Variants in DYNC2H1 observed in about 807,000 individuals in gnomAD.
DYNC2H1 encodes the protein dynein cytoplasmic 2 heavy chain 1, also known as cytoplasmic dynein 2 heavy chain 1.
Under a neutral mutation model 570.0 loss-of-function variants are expected in DYNC2H1, and 410 were observed. The ratio of observed to expected loss-of-function variants is 0.72; its 90% CI spans 0.66 to 0.78. DYNC2H1 has a LOEUF of 0.78. Among genes scored for constraint, DYNC2H1 ranks in the 30% least tolerant of loss-of-function variants. DYNC2H1 has a pLI of 0.00. For synonymous variants in DYNC2H1, 1,688 were observed against 1,677.6 expected (o/e 1.01, Z -0.15); for missense variants, 4,865 against 5,046.4 (o/e 0.96, Z 1.09).
chr11:103,302,353 T>C (rs953581291), intron 75 of DYNC2H1, among the ~76,000 whole-genome samples: 2 of 152,084 alleles, frequency 1.3e-5, no homozygotes, highest in African/African-American at 4.8e-5. Flanking sequence ...CAGTAGGTGA[T>C]GAATAAATAG....
chr11:103,207,879 GAATAT>G (rs1863001492), intron 52 of DYNC2H1, among the ~76,000 whole-genome samples: 1 of 152,104 alleles, frequency 6.6e-6, no homozygotes, highest in African/African-American at 2.4e-5. Context: ...ATATTTATAA[GAATAT>G]AATTATTTTG....
chr11:103,412,464 G>A (rs1431088487), intron 84 of DYNC2H1, among the ~76,000 whole-genome samples: 2 of 152,194 alleles, frequency 1.3e-5, no homozygotes, highest in Admixed American at 1.3e-4. Flanking sequence ...AATTACAAAG[G>A]TGCAAATGCC....
At position 103,207,246 on chromosome 11, in the gene DYNC2H1, A is replaced by ATTTTT. The variant is rs1344183719; in HGVS notation, c.8454+2282_8454+2283insTTTTT. On this transcript the variant is annotated intron_variant, in intron 52 of 88. Transcript: ENST00000375735. ...CTGTTTTTTTTTTTTTTTTTTTAAA[A>ATTTTT]AAAGATGGGACACACTATAGTATGT... 9.8e-3 allele frequency among the ~76,000 whole-genome samples: 381 copies of ATTTTT among 38,930 alleles called. 2 individuals are homozygous for ATTTTT. The highest frequency in any genetic ancestry group is 0.018 in the Middle Eastern group (1 of 56). The allele number at this position is 38,930 out of a possible 152,430, so 25.5% of individuals were successfully genotyped here. A position where few individuals can be genotyped will look rare whatever the true frequency, so the allele number is the denominator to read the frequency against.
intron 35 of DYNC2H1, among the ~76,000 whole-genome samples, 192 bp from the exon 36 acceptor site, chr11:103,173,863 C>T (rs766535897): frequency 3.9e-5 from 6 of 152,038 alleles, no homozygotes; most frequent in Non-Finnish European, 5.9e-5. Context: ...TTTATCCTAC[C>T]CTTGAGAACC....
chr11:103,323,546 T>G lies in DYNC2H1; in HGVS notation c.11935-340T>G, dbSNP rs1293740362. On this transcript the variant is annotated intron_variant, in intron 81 of 88. Coordinates refer to ENST00000375735, the MANE Select transcript of DYNC2H1 (RefSeq NM_001377.3). ...CTCTGCAGATTGGTCTTTGGTAAGT[T>G]ATAGGAAAAAAATTACAGAGCTATC... is the stretch of plus-strand genomic sequence containing the variant. Among the ~76,000 whole-genome samples, 3 of 151,934 alleles carry G rather than the reference T, an allele frequency of 2.0e-5. No homozygotes were observed. The East Asian group carries it at 5.8e-4, about 29-fold the overall frequency.
chr11:103,417,609 T>C (rs9736363), intron 84 of DYNC2H1, among the ~76,000 whole-genome samples: 4,603 of 151,800 alleles, frequency 0.03, 228 homozygotes, highest in African/African-American at 0.11. Context: ...CCAGGCGTGG[T>C]GGTTCACGCC....
In DYNC2H1 at chr11:103,280,232, A is replaced by C. The variant is rs1866076529; in HGVS notation, c.10696-116A>C. 1.0e-6 allele frequency: 1 copy of C among 960,180 alleles called. No homozygotes were observed. The highest frequency in any genetic ancestry group is 1.6e-5 in the South Asian group (1 of 64,206). 59.5% of individuals were successfully genotyped at this position (960,180 alleles called of 1,614,324 possible). ...GAATAGTAATTTCTTACATCGATAA[A>C]AAAGTAGGTCATATGAAGACAGAAT... On this transcript the variant is annotated intron_variant, in intron 70 of 88. Transcript: ENST00000375735. The surrounding 1 kb of genome is among the most constrained non-coding windows in gnomAD (Gnocchi z 4.7).
chr11:103,303,938 A>C (rs545693917), intron 76 of DYNC2H1, among the ~76,000 whole-genome samples: 28 of 152,262 alleles, frequency 1.8e-4, no homozygotes, highest in Non-Finnish European at 2.6e-4. Flanking sequence ...TATTTACCTG[A>C]CCTGAAAGAA....
intron 22 of DYNC2H1, 130 bp downstream of exon 22, chr11:103,153,638 TA>T: frequency 1.2e-6 from 1 of 851,462 alleles, no homozygotes; most frequent in African/African-American, 1.7e-5. Flanking sequence ...AAACTACAAA[TA>T]ATAAGCATTC....
chr11:103,338,616 G>A (rs1314382344), intron 82 of DYNC2H1, among the ~76,000 whole-genome samples: 3 of 152,116 alleles, frequency 2.0e-5, no homozygotes, highest in Non-Finnish European at 4.4e-5. Flanking sequence ...AGACACTGAT[G>A]TATTTTTCAG....
At chr11:103,314,431 T>G (rs192349766) in intron 79 of DYNC2H1, among the ~76,000 whole-genome samples, 1 of 152,200 alleles carries the variant, frequency 6.6e-6, no homozygotes, top group African/African-American at 2.4e-5. Flanking sequence ...TTTAGCAGTT[T>G]TGGATTGTTG....
At chr11:103,404,451 A>G (rs1374573087) in intron 84 of DYNC2H1, 1 of 150,648 alleles carries the variant, frequency 6.6e-6, no homozygotes, top group East Asian at 1.9e-4. Context: ...AAAAATTATT[A>G]GTATAACTGC....
At position 103,199,705 on chromosome 11, in the gene DYNC2H1, G is replaced by C. The variant is rs1445296927; in HGVS notation, c.8088+229G>C. On this transcript the variant is annotated intron_variant, in intron 49 of 88. Coordinates refer to ENST00000375735, the MANE Select transcript of DYNC2H1 (RefSeq NM_001377.3). This position sits in a 1 kb window ranked among gnomAD's most constrained non-coding sequence, Gnocchi z 4.6. Reference sequence around the variant, plus strand: ...ATAGACAGGAAAGAGAATACTATTAGAATTTCTAGGAAGCAGATACTCCAG... The same window carrying C: ...ATAGACAGGAAAGAGAATACTATTACAATTTCTAGGAAGCAGATACTCCAG... Among the ~76,000 whole-genome samples the C allele has an allele frequency of 1.3e-5, 2 of 152,038 alleles. No individual in the cohort carries two copies. The highest frequency in any genetic ancestry group is 2.9e-5 in the Non-Finnish European group (2 of 67,986).
chr11:103,303,250 C>T lies in DYNC2H1; in HGVS notation c.11253C>T (p.His3751=), dbSNP rs760751244. The change falls in exon 76 of 89, where the codon CAC becomes CAT. Residue 3751 remains histidine (H), a synonymous_variant. Transcript: ENST00000375735. ...ANAERSGECY[H]QVAMGQGQAD... ...CTGAAAGAAGCGGAGAGTGTTATCA[C>T]CAGGTAAGTACATATTGTCCCGCTG... 15 of 1,611,328 alleles carry T rather than the reference C, an allele frequency of 9.3e-6. No individual in the cohort carries two copies. The East Asian group carries it at 2.9e-4, about 31-fold the overall frequency.
intron 84 of DYNC2H1, among the ~76,000 whole-genome samples, chr11:103,408,707 A>G (rs1396827593): frequency 6.6e-6 from 1 of 152,034 alleles, no homozygotes; most frequent in Non-Finnish European, 1.5e-5. Context: ...CCTATTGTCT[A>G]TATGGACTCT....
At chr11:103,476,724 TG>T (rs146909795) in intron 88 of DYNC2H1, among the ~76,000 whole-genome samples, 2,226 of 152,204 alleles carry the variant, frequency 0.015, 53 homozygotes, top group African/African-American at 0.051. Context: ...TCAGAGCAGT[TG>T]TTGGTGTGTG....
intron 40 of DYNC2H1, among the ~76,000 whole-genome samples, chr11:103,184,117 C>CT (rs999712676): frequency 8.2e-4 from 124 of 151,964 alleles, no homozygotes; most frequent in African/African-American, 3.0e-3. Flanking sequence ...TAAATGTCAC[C>CT]TTTTTTTAAA....
In DYNC2H1 at chr11:103,238,052, A is replaced by T. The variant is rs145655345; in HGVS notation, c.9819+1513A>T. Among the ~76,000 whole-genome samples the T allele has an allele frequency of 1.6e-3, 244 of 152,256 alleles. 3 individuals are homozygous for T. The highest frequency in any genetic ancestry group is 5.7e-3 in the African/African-American group (237 of 41,564). On this transcript the variant is annotated intron_variant, in intron 63 of 88. Transcript: ENST00000375735. ...ATTTCGTTGAAATGAATTTGCTGTT[A>T]TGGTCGACACTCCATCTCAGTTTTA...
intron 84 of DYNC2H1, chr11:103,402,665 T>C (rs890950569): frequency 3.3e-5 from 5 of 151,994 alleles, no homozygotes; most frequent in African/African-American, 1.2e-4. Context: ...AATTTGAGAA[T>C]GGTTAGTAGG....
Sources: gnomAD v4.1 joint callset for allele counts (sites outside exome capture counted in the v4.1 genomes callset) on GRCh38, gnomAD v4.1.1 for gene constraint, Gnocchi (gnomAD v3.1) non-coding constraint, MANE v1.5 for transcripts, NCBI Gene and HGNC (gene_info 2026-07-23, HGNC 2026-07-21) for gene names.